The following TMEM39A variants were observed in gnomAD, a reference collection of about 807,000 sequenced individuals.
TMEM39A encodes the protein transmembrane protein 39A.
Under a neutral mutation model 51.9 loss-of-function variants are expected in TMEM39A, and 19 were observed. The ratio of observed to expected loss-of-function variants is 0.37; its 90% CI spans 0.26 to 0.54. TMEM39A has a LOEUF of 0.54. Among genes scored for constraint, TMEM39A ranks in the 20% least tolerant of loss-of-function variants. TMEM39A has a pLI of 0.88. For missense variants in TMEM39A, 433 were observed against 590.5 expected, an observed-to-expected ratio of 0.73 and a Z score of 2.76; for synonymous variants, 197 against 220.2, an observed-to-expected ratio of 0.89 and a Z score of 0.93.
At chr3:119,446,990 AATAAC>A (rs769153274) in intron 5 of TMEM39A, 23 bp downstream of exon 5, 1 of 1,598,854 alleles carries the variant, frequency 6.3e-7, no homozygotes. Flanking sequence ...AAGATTTACT[AATAAC>A]ATGGTAAAAC....
At position 119,437,848 on chromosome 3, in the gene TMEM39A, C is replaced by T. The variant is rs2080993125; in HGVS notation, c.831G>A (p.Leu277=). Residue 277 remains leucine (L), a synonymous_variant, in exon 6 of 9, where the codon CTG becomes CTA. Coordinates refer to ENST00000319172, the MANE Select transcript of TMEM39A (RefSeq NM_018266.3). The part of the protein sequence containing the change: ...PDLIRNEVEC[L]KADFNHRIKE... ...TGATTCTGTGGTTGAAATCTGCTTT[C>T]AGACATTCTACTTCATTGCGAATGA... 6.2e-7 allele frequency: 1 copy of T among 1,610,108 alleles called. No homozygotes were observed. Among genetic ancestry groups the T allele is most frequent in the African/African-American group, 1.3e-5 (1 of 74,884 alleles).
intron 5 of TMEM39A, among the ~76,000 whole-genome samples, chr3:119,440,110 TG>T (rs1263231337): frequency 6.6e-6 from 1 of 152,120 alleles, no homozygotes; most frequent in African/African-American, 2.4e-5. Context: ...TGTGCATATC[TG>T]TGATGGCTAG....
chr3:119,446,367 T>C (rs2081125046), intron 5 of TMEM39A, among the ~76,000 whole-genome samples: 1 of 147,864 alleles, frequency 6.8e-6, no homozygotes, highest in Non-Finnish European at 1.5e-5. Flanking sequence ...CCAAGTCCGC[T>C]ACTAAGCAAC....
rs2081149138 is a variant in TMEM39A, at chr3:119,447,863, C to T, written c.421-691G>A. Among the ~76,000 whole-genome samples the T allele has an allele frequency of 1.3e-5, 2 of 152,112 alleles. 1 individual carries two copies. Among genetic ancestry groups the T allele is most frequent in the Admixed American group, 1.3e-4 (2 of 15,276 alleles). The stretch of plus-strand genomic sequence containing the variant: ...TGTCCTAACTCCTGACCTCGTGATC[C>T]ACCCACCTCCCAAAGTGCTGGGATT... On this transcript the variant is annotated intron_variant, in intron 4 of 8. Transcript: ENST00000319172.
chr3:119,457,182 G>A (rs2081276652), intron 3 of TMEM39A, among the ~76,000 whole-genome samples: 1 of 151,566 alleles, frequency 6.6e-6, no homozygotes, highest in African/African-American at 2.4e-5. Flanking sequence ...GTGTTAGCCA[G>A]GATGGTCTCG....
At chr3:119,441,688 T>A (rs2081055878) in intron 5 of TMEM39A, among the ~76,000 whole-genome samples, 1 of 152,204 alleles carries the variant, frequency 6.6e-6, no homozygotes, top group African/African-American at 2.4e-5. Flanking sequence ...AGATCACTGA[T>A]GAAGGTGACT....
At chr3:119,439,044 T>A (rs1482212633) in intron 5 of TMEM39A, among the ~76,000 whole-genome samples, 2 of 152,182 alleles carry the variant, frequency 1.3e-5, no homozygotes, top group African/African-American at 4.8e-5. Context: ...GCAATAAACT[T>A]CTCATTAATA....
chr3:119,441,428 C>G (rs1264928586), intron 5 of TMEM39A, among the ~76,000 whole-genome samples: 1 of 152,198 alleles, frequency 6.6e-6, no homozygotes, highest in African/African-American at 2.4e-5. Flanking sequence ...GAAAGTTTTG[C>G]TGATATGGTC....
rs1312936905 is a variant in TMEM39A at position 119,436,900 on chromosome 3, T to C, written c.1003A>G (p.Thr335Ala). Residue 335 changes from threonine to alanine, a missense_variant, in exon 7 of 9, where the codon ACG becomes GCG. Physicochemically the swap from Thr to Ala is moderately conservative, Grantham distance 58. Coordinates refer to ENST00000319172, the MANE Select transcript of TMEM39A (RefSeq NM_018266.3). ...CAGTATTTGGATGGCAACAGTTGCG[T>C]GGTGAGCATGACAAAAGCATTGATC... ...VWINAFVMLT[T>A]QLLPSKYCDL... The C allele has an allele frequency of 6.2e-7, 1 of 1,614,054 alleles. No individual in the cohort carries two copies. Among genetic ancestry groups the C allele is most frequent in the East Asian group, 2.2e-5 (1 of 44,884 alleles).
chr3:119,438,408 G>A (rs2081004121), intron 5 of TMEM39A, among the ~76,000 whole-genome samples: 2 of 152,088 alleles, frequency 1.3e-5, no homozygotes, highest in African/African-American at 4.8e-5. Context: ...CCAATATAAA[G>A]TTTGTAAACT....
At position 119,437,992 on chromosome 3, in the gene TMEM39A, C is replaced by T. The variant is rs1272112250; in HGVS notation, c.687G>A (p.Ser229=). The T allele has an allele frequency of 6.2e-6, 10 of 1,614,028 alleles. No individual in the cohort carries two copies. Among genetic ancestry groups the T allele is most frequent in the Admixed American group, 5.0e-5 (3 of 59,992 alleles). The change falls in exon 6 of 9, where the codon TCG becomes TCA. Residue 229 remains serine (S), a synonymous_variant. Coordinates refer to ENST00000319172, the MANE Select transcript of TMEM39A (RefSeq NM_018266.3). ...VQHEAVEESA[S]TVGGLAKSKD... ...TGGATTTGGCCAAGCCTCCCACAGT[C>T]GAGGCACTTTCCTCTACTGCCTCGT...
chr3:119,440,015 G>A (rs866456178), intron 5 of TMEM39A, among the ~76,000 whole-genome samples: 1 of 152,144 alleles, frequency 6.6e-6, no homozygotes, highest in Non-Finnish European at 1.5e-5. Flanking sequence ...TGATCCTACC[G>A]CCTGGGCCTT....
chr3:119,437,662 A>G (rs894246421), intron 6 of TMEM39A, 93 bp downstream of exon 6: 19 of 1,046,152 alleles, frequency 1.8e-5, no homozygotes, highest in Non-Finnish European at 2.5e-5. Flanking sequence ...GCCAAAGGGG[A>G]GACAGAGAAA....
At chr3:119,456,439 T>C (rs968555621) in intron 3 of TMEM39A, among the ~76,000 whole-genome samples, 1 of 152,190 alleles carries the variant, frequency 6.6e-6, no homozygotes, top group Non-Finnish European at 1.5e-5. Flanking sequence ...GATACAAATA[T>C]TTAAAACAAA....
chr3:119,438,387 T>C lies in TMEM39A; in HGVS notation c.576-284A>G, dbSNP rs149616371. On this transcript the variant is annotated intron_variant, in intron 5 of 8. Transcript: ENST00000319172. ...AGCAATAATCATTTTTATAACTAGA[T>C]GCACATATTTCCAATATAAAGTTTG... is the stretch of plus-strand genomic sequence containing the variant. Among the ~76,000 whole-genome samples the C allele has an allele frequency of 2.2e-3, 332 of 152,324 alleles. 1 individual carries two copies. The highest frequency in any genetic ancestry group is 7.7e-3 in the African/African-American group (322 of 41,572).
At chr3:119,457,573 T>C (rs1232342554) in intron 3 of TMEM39A, among the ~76,000 whole-genome samples, 6 of 152,130 alleles carry the variant, frequency 3.9e-5, no homozygotes, top group Admixed American at 3.9e-4. Context: ...TGGAAGACAG[T>C]AGAATCTCCA....
At chr3:119,456,579 G>T (rs951078018) in intron 3 of TMEM39A, among the ~76,000 whole-genome samples, 3 of 151,732 alleles carry the variant, frequency 2.0e-5, no homozygotes. Flanking sequence ...GTCTTCTTTC[G>T]CCTAGAGCCT....
At position 119,442,735 on chromosome 3, in the gene TMEM39A, G is replaced by A. The variant is rs114622002; in HGVS notation, c.575+4283C>T. ...TTCACTGGAGAAAGTAACCGCAAAT[G>A]TGGAAGAAAAAGCAACAGAACTAGA... On this transcript the variant is annotated intron_variant, in intron 5 of 8. Coordinates refer to ENST00000319172, the MANE Select transcript of TMEM39A (RefSeq NM_018266.3). Among the ~76,000 whole-genome samples, 1,154 of 152,216 alleles carry A rather than the reference G, an allele frequency of 7.6e-3. 20 individuals are homozygous for A. Among genetic ancestry groups the A allele is most frequent in the South Asian group, 0.072 (346 of 4,822 alleles).
Position 119,438,139 on chromosome 3 carries a change from C to A in TMEM39A, c.576-36G>T, listed in dbSNP as rs772561174. 2.7e-6 allele frequency: 4 copies of A among 1,508,326 alleles called. No individual in the cohort carries two copies. The East Asian group carries it at 6.9e-5, about 26-fold the overall frequency. 93.4% of individuals were successfully genotyped at this position (1,508,326 alleles called of 1,614,324 possible). ...AAGTGTGAAAATGAGACCACAGATA[C>A]CACCTAAAATCACACCTTATAACTT... On this transcript the variant is annotated intron_variant, in intron 5 of 8. Coordinates refer to ENST00000319172, the MANE Select transcript of TMEM39A (RefSeq NM_018266.3).
Sources: allele counts gnomAD v4.1 joint callset (sites outside exome capture counted in the v4.1 genomes callset), GRCh38; gene constraint gnomAD v4.1.1; transcripts MANE v1.5; gene names NCBI Gene and HGNC (gene_info 2026-07-23, HGNC 2026-07-21).